PIP5K1B: variants seen among roughly 807,000 people sequenced by gnomAD.
PIP5K1B encodes the protein phosphatidylinositol 4-phosphate 5-kinase type-1 beta.
PIP5K1B carries 42 observed loss-of-function variants against 67.0 expected under a neutral mutation model. The observed-to-expected ratio is 0.63, with a 90% CI of 0.49 to 0.81. The LOEUF is 0.81. Among genes scored for constraint, PIP5K1B ranks in the 30% least tolerant of loss-of-function variants. The pLI, the probability that PIP5K1B is intolerant of heterozygous loss-of-function variation, is 0.00. For missense variants in PIP5K1B, 459 were observed against 646.3 expected, an observed-to-expected ratio of 0.71 and a Z score of 3.14; for synonymous variants, 214 against 231.4, an observed-to-expected ratio of 0.92 and a Z score of 0.68.
intron 15 of PIP5K1B, among the ~76,000 whole-genome samples, chr9:69,005,863 G>T (rs1831052548): frequency 6.6e-6 from 1 of 151,334 alleles, no homozygotes; most frequent in African/African-American, 2.4e-5. Context: ...TCCTTCTTTA[G>T]TGACCACTCA....
At chr9:68,920,190 A>C (rs764744081) in intron 11 of PIP5K1B, among the ~76,000 whole-genome samples, 20 of 152,100 alleles carry the variant, frequency 1.3e-4, no homozygotes, top group Middle Eastern at 6.8e-3. Context: ...CTTGTTTCTC[A>C]CCTGTACCAG....
chr9:68,846,939 T>C (rs919521477), intron 4 of PIP5K1B, among the ~76,000 whole-genome samples: 5 of 152,306 alleles, frequency 3.3e-5, no homozygotes, highest in Admixed American at 2.0e-4. Context: ...CATTATGTCT[T>C]TTATATATCA....
chr9:68,824,229 A>G, intron 4 of PIP5K1B: 2 of 518,966 alleles, frequency 3.9e-6, no homozygotes, highest in South Asian at 2.8e-5. Context: ...GGTATTCTCA[A>G]TCAGCATCAA....
rs148033430 is a variant in PIP5K1B at position 68,816,191 on chromosome 9, C to G, written c.-85-2270C>G. On this transcript the variant is annotated intron_variant, in intron 2 of 15. Coordinates refer to ENST00000265382, the MANE Select transcript of PIP5K1B (RefSeq NM_003558.4). ...TCGTCCAGGCTGGAGTGCAATGGCC[C>G]GATCTCGGCTCACTACATCCTCTGC... Among the ~76,000 whole-genome samples, 375 of 152,226 alleles carry G rather than the reference C, an allele frequency of 2.5e-3. 9 individuals are homozygous for G. In the East Asian group the frequency reaches 0.031, roughly 13 times the overall value.
intron 14 of PIP5K1B, among the ~76,000 whole-genome samples, chr9:68,988,273 A>C (rs1274417695): frequency 1.3e-5 from 2 of 151,816 alleles, no homozygotes; most frequent in African/African-American, 4.8e-5. Flanking sequence ...AGTTTAAAAA[A>C]AAATTTAAAA....
intron 2 of PIP5K1B, among the ~76,000 whole-genome samples, chr9:68,785,867 A>G (rs764678634): frequency 2.0e-5 from 3 of 152,204 alleles, no homozygotes; most frequent in Non-Finnish European, 4.4e-5. Flanking sequence ...TAACAGTACA[A>G]TATCCTTCAA....
chr9:68,974,449 T>A (rs1053825665), intron 14 of PIP5K1B, among the ~76,000 whole-genome samples: 2 of 152,202 alleles, frequency 1.3e-5, no homozygotes, highest in Non-Finnish European at 2.9e-5. Flanking sequence ...GATCCTTAAC[T>A]TATAGGAAGG....
At chr9:68,844,027 G>A (rs1224911559) in intron 4 of PIP5K1B, among the ~76,000 whole-genome samples, 2 of 152,100 alleles carry the variant, frequency 1.3e-5, no homozygotes, top group Non-Finnish European at 1.5e-5. Context: ...TTTGTGCAAC[G>A]GACTCAAGAA....
rs182460051 is a variant in PIP5K1B at position 68,720,800 on chromosome 9, G to C, written c.-243+15038G>C. 2.4e-4 allele frequency among the ~76,000 whole-genome samples: 36 copies of C among 152,264 alleles called. No individual in the cohort carries two copies. The South Asian group carries it at 2.9e-3, about 12-fold the overall frequency. ...AGCAATTGTAATACCTGCTGCTAGAGAATGATTTTGTCACTGCCGTGGCAG... is the reference window on the plus strand; with the variant it reads ...AGCAATTGTAATACCTGCTGCTAGACAATGATTTTGTCACTGCCGTGGCAG... On this transcript the variant is annotated intron_variant, in intron 1 of 15. Coordinates refer to ENST00000265382, the MANE Select transcript of PIP5K1B (RefSeq NM_003558.4).
intron 1 of PIP5K1B, among the ~76,000 whole-genome samples, chr9:68,738,423 G>A (rs1262732949): frequency 6.6e-6 from 1 of 152,172 alleles, no homozygotes. Flanking sequence ...ACCTACATAT[G>A]GTTGCTATGA....
chr9:68,904,987 T>C (rs1308969380), intron 8 of PIP5K1B, among the ~76,000 whole-genome samples: 1 of 152,142 alleles, frequency 6.6e-6, no homozygotes, highest in Non-Finnish European at 1.5e-5. Flanking sequence ...CAGAAATTTA[T>C]ATATGCAATA....
chr9:68,742,943 CT>C (rs1231259999), intron 2 of PIP5K1B, among the ~76,000 whole-genome samples: 1 of 152,168 alleles, frequency 6.6e-6, no homozygotes. Context: ...AGGTCTCTCT[CT>C]TTTTAAAAAC....
chr9:68,795,814 C>T (rs1403697970), intron 2 of PIP5K1B, among the ~76,000 whole-genome samples: 12 of 152,106 alleles, frequency 7.9e-5, no homozygotes, highest in Non-Finnish European at 1.5e-5. Flanking sequence ...ATTCAGAAAT[C>T]TGCTTTAATT....
chr9:68,821,880 G>C (rs1326529741), intron 3 of PIP5K1B, among the ~76,000 whole-genome samples: 1 of 152,072 alleles, frequency 6.6e-6, no homozygotes, highest in African/African-American at 2.4e-5. Flanking sequence ...GGTATATCTT[G>C]CAACTAGAAA....
intron 2 of PIP5K1B, among the ~76,000 whole-genome samples, chr9:68,763,977 G>C (rs1209963729): frequency 6.6e-6 from 1 of 151,434 alleles, no homozygotes; most frequent in African/African-American, 2.4e-5. Context: ...ACAGGACCTG[G>C]TTGGTACCTT....
At chr9:68,924,223 G>A (rs1467863399) in intron 12 of PIP5K1B, among the ~76,000 whole-genome samples, 1 of 150,758 alleles carries the variant, frequency 6.6e-6, no homozygotes, top group African/African-American at 2.4e-5. Context: ...CCAATATGGT[G>A]AAACCCCATC....
At chr9:69,002,007 G>T (rs1254358804) in intron 15 of PIP5K1B, among the ~76,000 whole-genome samples, 2 of 152,184 alleles carry the variant, frequency 1.3e-5, no homozygotes, top group Non-Finnish European at 2.9e-5. Context: ...CCAGGAGACG[G>T]CACAGACGAG....
chr9:68,879,805 T>C (rs1289422989), intron 6 of PIP5K1B, among the ~76,000 whole-genome samples: 1 of 152,148 alleles, frequency 6.6e-6, no homozygotes, highest in Non-Finnish European at 1.5e-5. Context: ...AAAATATGTA[T>C]AACTATTATA....
chr9:68,890,717 T>C (rs1231065340), intron 7 of PIP5K1B, among the ~76,000 whole-genome samples: 1 of 151,486 alleles, frequency 6.6e-6, no homozygotes, highest in African/African-American at 2.4e-5. Flanking sequence ...AAACTAACTA[T>C]AGTTTCTTTC....
Sources: gnomAD v4.1 joint callset for allele counts (sites outside exome capture counted in the v4.1 genomes callset) on GRCh38, gnomAD v4.1.1 for gene constraint, MANE v1.5 for transcripts, NCBI Gene and HGNC (gene_info 2026-07-23, HGNC 2026-07-21) for gene names.